Variants in GMPR observed in about 807,000 individuals in gnomAD.
GMPR encodes the protein guanosine monophosphate reductase.
A neutral mutation model predicts 38.4 loss-of-function variants in GMPR; 31 were observed. That is an observed-to-expected ratio of 0.81 (90% CI 0.61 to 1.09). GMPR has a LOEUF of 1.09. Among genes scored for constraint, GMPR ranks in the 50% least tolerant of loss-of-function variants. The pLI, the probability that GMPR is intolerant of heterozygous loss-of-function variation, is 0.00. For synonymous variants in GMPR, 162 were observed against 173.3 expected, an observed-to-expected ratio of 0.93 and a Z score of 0.51; for missense variants, 468 against 453.7, an observed-to-expected ratio of 1.03 and a Z score of -0.29.
chr6:16,276,159 G>A (rs1225255383), intron 5 of GMPR, among the ~76,000 whole-genome samples: 2 of 152,142 alleles, frequency 1.3e-5, no homozygotes, highest in African/African-American at 2.4e-5. Flanking sequence ...TGTGTGAGAA[G>A]CTTCTTGGCT....
Position 16,290,464 on chromosome 6 carries a change from G to T in GMPR, c.700G>T (p.Ala234Ser), listed in dbSNP as rs760571328. The T allele has an allele frequency of 3.1e-6, 5 of 1,613,826 alleles. No individual in the cohort carries two copies. In the Admixed American group the frequency reaches 5.0e-5, roughly 16 times the overall value. ...CPGDVAKAFG[A>S]GADFVMLGGM... ...TCATCCCCACCGTTGGCATTTAGGA[G>T]CTGGAGCAGATTTTGTCATGCTGGG... Residue 234 changes from alanine to serine, a missense_variant and splice_region_variant, in exon 8 of 9, where the codon GCT (alanine) becomes TCT (serine). By Grantham distance (99) the Ala-to-Ser change is moderately conservative. Transcript: ENST00000259727.
chr6:16,250,571 C>G (rs1054718720), intron 3 of GMPR, among the ~76,000 whole-genome samples: 2 of 152,200 alleles, frequency 1.3e-5, no homozygotes, highest in African/African-American at 4.8e-5. Context: ...TAAGAAATGT[C>G]TGTTTTCCCC....
At chr6:16,253,024 T>C (rs931126818) in intron 3 of GMPR, among the ~76,000 whole-genome samples, 5 of 152,216 alleles carry the variant, frequency 3.3e-5, no homozygotes, top group Admixed American at 6.5e-5. Flanking sequence ...CATGTCTTAG[T>C]TTCACTAAGG....
intron 5 of GMPR, among the ~76,000 whole-genome samples, chr6:16,277,557 G>T (rs560558101): frequency 6.6e-6 from 1 of 152,174 alleles, no homozygotes; most frequent in South Asian, 2.1e-4. Flanking sequence ...ATTCATTCTT[G>T]AGTCCACACA....
At position 16,295,007 on chromosome 6, in the gene GMPR, G is replaced by A. The variant is rs1756556518; in HGVS notation, c.859G>A (p.Ala287Thr). ...KHAGGVAEYR[A>T]SEGKTVEVPY... is the part of the protein sequence containing the mutation. ...AAGAAAACTTCTATCGTCTTCCAGA[G>A]CCTCTGAGGGTAAGACTGTGGAAGT... Residue 287 changes from alanine to threonine, a missense_variant and splice_region_variant, in exon 9 of 9, where the codon GCC (alanine) becomes ACC (threonine). Transcript: ENST00000259727. 1 of 1,606,360 alleles carries A rather than the reference G, an allele frequency of 6.2e-7. No homozygotes were observed. Among genetic ancestry groups the A allele is most frequent in the Non-Finnish European group, 8.5e-7 (1 of 1,176,112 alleles).
chr6:16,253,409 C>T (rs1758912285), intron 3 of GMPR, among the ~76,000 whole-genome samples: 1 of 152,184 alleles, frequency 6.6e-6, no homozygotes, highest in African/African-American at 2.4e-5. Context: ...TAGTGCCACC[C>T]ATTTGCTTTT....
At chr6:16,276,432 A>C (rs756834878) in intron 5 of GMPR, among the ~76,000 whole-genome samples, 1 of 152,160 alleles carries the variant, frequency 6.6e-6, no homozygotes, top group Non-Finnish European at 1.5e-5. Context: ...TGGCCTCCCA[A>C]CGTGCTGGGA....
At position 16,247,909 on chromosome 6, in the gene GMPR, CTAATTTTCTG is replaced by C. The variant is rs532509058; in HGVS notation, c.207+952_207+961del. Among the ~76,000 whole-genome samples, 95 of 152,178 alleles carry C rather than the reference CTAATTTTCTG, an allele frequency of 6.2e-4. 3 individuals carry two copies. The East Asian group carries it at 0.013, about 22-fold the overall frequency. On this transcript the variant is annotated intron_variant, in intron 2 of 8. Coordinates refer to ENST00000259727, the MANE Select transcript of GMPR (RefSeq NM_006877.4). ...GTCTCTTTTAGCCAAGTACACCAGC[CTAATTTTCTG>C]TAAAGAGGGTAGCTAATATCCTTGC...
intron 5 of GMPR, among the ~76,000 whole-genome samples, chr6:16,275,510 A>C (rs1229411629): frequency 6.6e-6 from 1 of 152,212 alleles, no homozygotes; most frequent in African/African-American, 2.4e-5. Context: ...GAGATTTTCA[A>C]GGTTAAGTTT....
At chr6:16,242,206 C>G (rs1758662620) in intron 1 of GMPR, among the ~76,000 whole-genome samples, 2 of 152,144 alleles carry the variant, frequency 1.3e-5, no homozygotes, top group Non-Finnish European at 2.9e-5. Flanking sequence ...CCCCAGCAGT[C>G]CCGTGAGAAG....
chr6:16,249,157 C>A (rs530809909), intron 2 of GMPR, among the ~76,000 whole-genome samples: 4 of 146,920 alleles, frequency 2.7e-5, no homozygotes, highest in Admixed American at 1.4e-4. Context: ...GCAGTTGTTA[C>A]ATTTTGTAAT....
intron 2 of GMPR, among the ~76,000 whole-genome samples, chr6:16,249,259 A>G (rs564411322): frequency 8.5e-4 from 118 of 138,826 alleles, no homozygotes; most frequent in African/African-American, 2.9e-3. Context: ...CGCAACCTCC[A>G]TCTCCCAGGT....
At chr6:16,240,366 C>T (rs1310337920) in intron 1 of GMPR, among the ~76,000 whole-genome samples, 1 of 152,168 alleles carries the variant, frequency 6.6e-6, no homozygotes, top group Non-Finnish European at 1.5e-5. Flanking sequence ...AAGACCTCAG[C>T]TCTACAAAAA....
intron 7 of GMPR, among the ~76,000 whole-genome samples, chr6:16,288,321 T>G (rs1384516096): frequency 6.6e-6 from 1 of 152,134 alleles, no homozygotes; most frequent in Non-Finnish European, 1.5e-5. Flanking sequence ...TCCGGGTGGG[T>G]GTGGGCTTGG....
At chr6:16,246,394 G>A (rs953134295) in intron 1 of GMPR, among the ~76,000 whole-genome samples, 2 of 152,198 alleles carry the variant, frequency 1.3e-5, no homozygotes, top group African/African-American at 2.4e-5. Flanking sequence ...GGTAAAAGGC[G>A]AAGGGATTAA....
At chr6:16,279,677 G>T (rs1251362499) in intron 6 of GMPR, among the ~76,000 whole-genome samples, 1 of 152,182 alleles carries the variant, frequency 6.6e-6, no homozygotes, top group African/African-American at 2.4e-5. Flanking sequence ...AAAGCACTGG[G>T]GAACCAAATC....
chr6:16,253,643 A>G (rs1451944675), intron 3 of GMPR, among the ~76,000 whole-genome samples: 9 of 152,016 alleles, frequency 5.9e-5, no homozygotes, highest in Admixed American at 5.9e-4. Flanking sequence ...TCAACATGAG[A>G]TTTGGGTGAG....
Position 16,264,480 on chromosome 6 carries a change from T to C in GMPR, c.465+9745T>C, listed in dbSNP as rs371547334. On this transcript the variant is annotated intron_variant, in intron 4 of 8. Coordinates refer to ENST00000259727, the MANE Select transcript of GMPR (RefSeq NM_006877.4). ...CCCCGATCTGAGTCACGGCACCAAA[T>C]TTCATGTGCGTCCGTGTGAAGAGAC... 26 of 165,480 alleles carry C rather than the reference T, an allele frequency of 1.6e-4. 2 individuals carry two copies. In the East Asian group the frequency reaches 3.7e-3, roughly 24 times the overall value. 10.3% of individuals were successfully genotyped at this position (165,480 alleles called of 1,614,324 possible).
At chr6:16,288,353 C>CATT (rs1759738062) in intron 7 of GMPR, among the ~76,000 whole-genome samples, 1 of 152,168 alleles carries the variant, frequency 6.6e-6, no homozygotes, top group Non-Finnish European at 1.5e-5. Context: ...CTCGGAGCGG[C>CATT]CGGCTGGCCC....
Sources: gnomAD v4.1 joint callset for allele counts (sites outside exome capture counted in the v4.1 genomes callset) on GRCh38, gnomAD v4.1.1 for gene constraint, MANE v1.5 for transcripts, NCBI Gene and HGNC (gene_info 2026-07-23, HGNC 2026-07-21) for gene names.